PLCH2: variants seen among roughly 807,000 people sequenced by gnomAD.
PLCH2 encodes the protein 1-phosphatidylinositol 4,5-bisphosphate phosphodiesterase eta-2.
In PLCH2, 98 loss-of-function variants were observed where a neutral mutation model predicts 134.7. That is an observed-to-expected ratio of 0.73 (90% CI 0.62 to 0.86). The LOEUF (loss-of-function observed/expected upper bound fraction) is 0.86, where lower values mean the gene tolerates loss of function less well. PLCH2 is among the 40% of genes least tolerant of loss of function. The pLI is 0.00. For missense variants in PLCH2, 1,994 were observed against 1,986.6 expected (o/e 1.00, Z -0.07); for synonymous variants, 974 against 827.5 (o/e 1.18, Z -3.04).
At chr1:2,417,549 A>C in the PLCH2 span, among the ~76,000 whole-genome samples, 1 of 152,106 alleles carries the variant, frequency 6.6e-6, no homozygotes, top group Non-Finnish European at 1.5e-5. Flanking sequence ...CCCACGAGGG[A>C]GGCCCAAGCT....
chr1:2,476,600 A>T lies in PLCH2; in HGVS notation c.12A>T (p.Pro4=). The change falls in exon 1 of 22, where the codon CCA becomes CCT. Residue 4 remains proline (P), a synonymous_variant. Coordinates refer to ENST00000378486, the MANE Select transcript of PLCH2 (RefSeq NM_014638.4). The part of the protein sequence containing the change: MSG[P]WPSPDSRTKG... ...GCTGTCGTCAGGCCATGTCTGGTCCATGGCCCTCCCCCGACAGCCGGACCA... is the reference window on the plus strand; with the variant it reads ...GCTGTCGTCAGGCCATGTCTGGTCCTTGGCCCTCCCCCGACAGCCGGACCA... 6.4e-7 allele frequency: 1 copy of T among 1,573,290 alleles called. No individual in the cohort carries two copies.
chr1:2,473,336 G>A (rs1641433676), upstream of PLCH2, among the ~76,000 whole-genome samples: 1 of 152,166 alleles, frequency 6.6e-6, no homozygotes, highest in Non-Finnish European at 1.5e-5. Flanking sequence ...CAGGTGCGGG[G>A]GCTGAGCCCA....
At chr1:2,459,439 TG>T (rs1557969583) in intron 2 of PLCH2, among the ~76,000 whole-genome samples, 2 of 75,032 alleles carry the variant, frequency 2.7e-5, no homozygotes. Context: ...TGGTCCTCCT[TG>T]CCGGTGGTCC....
intron 2 of PLCH2, among the ~76,000 whole-genome samples, chr1:2,458,373 C>A (rs1640602324): frequency 1.3e-5 from 2 of 152,174 alleles, no homozygotes; most frequent in South Asian, 2.1e-4. Context: ...GGGGGCTGGG[C>A]ACCTACAGCA....
Position 2,502,229 on chromosome 1 carries a change from C to T in PLCH2, c.2779C>T (p.Arg927Trp), listed in dbSNP as rs940162784. The change falls in exon 21 of 22, where the codon CGG (arginine) becomes TGG (tryptophan). Residue 927 changes from arginine (R) to tryptophan (W), a missense_variant. This residue lies in a region of PLCH2 where 900 missense variants were observed against 752.3 expected (regional missense o/e 1.20). Coordinates refer to ENST00000378486, the MANE Select transcript of PLCH2 (RefSeq NM_014638.4). ...GCCCTCCGTTAGCCAGCGGATCCTG[C>T]GGCGCACGGCCAGCGCCCCGACCAA... ...ARPSVSQRIL[R>W]RTASAPTKSQ... 8.4e-6 allele frequency: 13 copies of T among 1,540,806 alleles called. No individual in the cohort carries two copies. The highest frequency in any genetic ancestry group is 4.9e-5 in the East Asian group (2 of 40,662).
intron 20 of PLCH2, chr1:2,500,357 C>G (rs1643149883): frequency 6.5e-6 from 1 of 154,326 alleles, no homozygotes; most frequent in Non-Finnish European, 1.4e-5. Context: ...AGTGCTGACT[C>G]TCTCCTGCCA....
intron 4 of PLCH2, among the ~76,000 whole-genome samples, chr1:2,482,638 G>T (rs1642036144): frequency 6.6e-6 from 1 of 152,138 alleles, no homozygotes. Context: ...CCAGGGCTCT[G>T]CCCTGGGGAC....
In PLCH2 at chr1:2,444,658, GCTTCCCCTCCCCTC is replaced by G. The variant is rs1468032417; in HGVS notation, c.115+14031_115+14044del. Among the ~76,000 whole-genome samples, 1 of 152,070 alleles carries G rather than the reference GCTTCCCCTCCCCTC, an allele frequency of 6.6e-6. No homozygotes were observed. The highest frequency in any genetic ancestry group is 1.5e-5 in the Non-Finnish European group (1 of 67,974). ...GAGGAAGATGCCAAGGAGATAAGAG[GCTTCCCCTCCCCTC>G]CGCTCCCCGCCTCCCACACTGTCTG... On this transcript the variant is annotated intron_variant, in intron 2 of 3. Coordinates refer to the PLCH2 transcript ENST00000609981. The surrounding 1 kb of genome is among the most constrained non-coding windows in gnomAD (Gnocchi z 4.6).
At chr1:2,455,710 G>A (rs879719763) in intron 2 of PLCH2, among the ~76,000 whole-genome samples, 8 of 152,174 alleles carry the variant, frequency 5.3e-5, no homozygotes, top group East Asian at 1.9e-4. Context: ...AGATGGAGGC[G>A]GGAGGCTCCC....
upstream of PLCH2, among the ~76,000 whole-genome samples, chr1:2,425,734 G>C (rs1174597712): frequency 6.7e-6 from 1 of 150,232 alleles, no homozygotes; most frequent in Non-Finnish European, 1.5e-5. Context: ...ATGTTGCCCA[G>C]GCTGGTCTGA....
chr1:2,475,020 C>T (rs1259355467), upstream of PLCH2, among the ~76,000 whole-genome samples: 1 of 152,222 alleles, frequency 6.6e-6, no homozygotes, highest in Non-Finnish European at 1.5e-5. Context: ...GAAACGCCTG[C>T]TGACCTGCTT....
upstream of PLCH2, among the ~76,000 whole-genome samples, chr1:2,463,971 C>T (rs1019706912): frequency 3.3e-5 from 5 of 152,246 alleles, no homozygotes; most frequent in Admixed American, 6.5e-5. Flanking sequence ...CTGCCCTTCC[C>T]GGCTCCTGTC....
intron 1 of PLCH2, among the ~76,000 whole-genome samples, chr1:2,427,812 G>T (rs10910072): frequency 0.14 from 20,815 of 151,926 alleles, 1,639 homozygotes; most frequent in East Asian, 0.25. Flanking sequence ...GGAGCCCTCC[G>T]GGGGTGGGAG....
rs898976785 is a variant in PLCH2, at chr1:2,468,609, CAGA to C, written c.43+953_43+955del. Among the ~76,000 whole-genome samples, 8 of 152,334 alleles carry C rather than the reference CAGA, an allele frequency of 5.3e-5. No homozygotes were observed. The East Asian group carries it at 9.6e-4, about 18-fold the overall frequency. ...TGAAGGGGGACAGTGGCCACGGCTG[CAGA>C]AGAAGTGGCTCAGGCCAGACACCAG... On this transcript the variant is annotated intron_variant, in intron 1 of 21. Coordinates refer to the PLCH2 transcript ENST00000449969.
In PLCH2 at chr1:2,480,350, G is replaced by A. The variant is rs112904948; in HGVS notation, c.645+38G>A. The A allele has an allele frequency of 2.0e-3, 3,253 of 1,598,052 alleles. 58 individuals are homozygous for A. The African/African-American group carries it at 0.034, about 17-fold the overall frequency. ...GAGCCCTACCTGGGCTCCAGAGCCA[G>A]GGCTGCACGGGGGCTGTGCTTGTGT... On this transcript the variant is annotated intron_variant, in intron 4 of 21. Coordinates refer to ENST00000378486, the MANE Select transcript of PLCH2 (RefSeq NM_014638.4).
chr1:2,464,351 G>A (rs992956074), upstream of PLCH2, among the ~76,000 whole-genome samples: 1 of 152,222 alleles, frequency 6.6e-6, no homozygotes, highest in Non-Finnish European at 1.5e-5. Context: ...GGTCACCTGC[G>A]GGCTCAGAAT....
intron 2 of PLCH2, among the ~76,000 whole-genome samples, chr1:2,462,407 C>G (rs1479624482): frequency 1.4e-5 from 2 of 143,954 alleles, no homozygotes; most frequent in African/African-American, 5.2e-5. Context: ...TGACACCCCT[C>G]TGCCTGACAC....
At chr1:2,420,954 C>CTT in the PLCH2 span, among the ~76,000 whole-genome samples, 42,594 of 139,288 alleles carry the variant, frequency 0.31, 6,711 homozygotes, top group East Asian at 0.49. Context: ...TCCCTTCACA[C>CTT]TTTTTTTTTT....
At chr1:2,437,046 G>A (rs1376873572) in intron 2 of PLCH2, among the ~76,000 whole-genome samples, 2 of 152,248 alleles carry the variant, frequency 1.3e-5, no homozygotes, top group East Asian at 1.9e-4. Context: ...ACAGTCCCCA[G>A]CCCAGACAGG....
Sources: gnomAD v4.1 joint callset for allele counts (sites outside exome capture counted in the v4.1 genomes callset) on GRCh38, gnomAD v4.1.1 for gene constraint, gnomAD v4.1.1 regional missense constraint, Gnocchi (gnomAD v3.1) non-coding constraint, MANE v1.5 for transcripts, NCBI Gene and HGNC (gene_info 2026-07-23, HGNC 2026-07-21) for gene names.